The following MKLN1 variants were observed in gnomAD, a reference collection of about 807,000 sequenced individuals.
The protein encoded by MKLN1 is muskelin 1, also known as muskelin.
MKLN1 carries 18 observed loss-of-function variants against 99.0 expected under a neutral mutation model. The observed-to-expected ratio is 0.18, with a 90% CI of 0.13 to 0.27. The LOEUF is 0.27. Ranked by LOEUF, MKLN1 falls within the 10% of genes least tolerant of loss-of-function variation. The pLI is 1.00. For synonymous variants in MKLN1, 288 were observed against 293.2 expected (o/e 0.98, Z 0.18); for missense variants, 621 against 875.9 (o/e 0.71, Z 3.67).
chr7:131,392,805 A>G (rs1214184975), intron 4 of MKLN1, among the ~76,000 whole-genome samples: 1 of 151,924 alleles, frequency 6.6e-6, no homozygotes, highest in Non-Finnish European at 1.5e-5. Flanking sequence ...GGGTTTCTCC[A>G]TGTTGGTCAG....
intron 1 of MKLN1, among the ~76,000 whole-genome samples, chr7:131,142,603 C>T (rs1259263132): frequency 6.7e-6 from 1 of 148,744 alleles, no homozygotes; most frequent in Non-Finnish European, 1.5e-5. Flanking sequence ...GGCGTGTAGG[C>T]GGGCGCCTGT....
intron 2 of MKLN1, among the ~76,000 whole-genome samples, chr7:131,195,006 A>G (rs1395672416): frequency 6.6e-6 from 1 of 152,162 alleles, no homozygotes; most frequent in Non-Finnish European, 1.5e-5. Context: ...CAACACGGGC[A>G]CCTCCAAAGT....
At chr7:131,216,840 G>C (rs1796990168) in intron 3 of MKLN1, among the ~76,000 whole-genome samples, 1 of 152,178 alleles carries the variant, frequency 6.6e-6, no homozygotes, top group African/African-American at 2.4e-5. Context: ...TCCAATGATA[G>C]GGCTGTGCCT....
intron 2 of MKLN1, among the ~76,000 whole-genome samples, chr7:131,149,868 T>C (rs988963517): frequency 1.6e-4 from 24 of 152,242 alleles, no homozygotes; most frequent in Non-Finnish European, 3.4e-4. Context: ...TTTAGTTTGC[T>C]GGTCATCAAA....
chr7:131,331,112 C>T (rs921100146), intron 1 of MKLN1, among the ~76,000 whole-genome samples: 1 of 152,098 alleles, frequency 6.6e-6, no homozygotes, highest in Non-Finnish European at 1.5e-5. Flanking sequence ...TTAGTGAGCA[C>T]CTAATATATG....
At chr7:131,194,288 C>G (rs533967542) in intron 2 of MKLN1, among the ~76,000 whole-genome samples, 94 of 152,270 alleles carry the variant, frequency 6.2e-4, no homozygotes, top group African/African-American at 2.2e-3. Context: ...TTGCTTCCAA[C>G]TTCCCCCGGC....
intron 16 of MKLN1, 29 bp downstream of exon 16, chr7:131,470,973 A>G (rs1199526445): frequency 1.4e-6 from 2 of 1,468,856 alleles, no homozygotes; most frequent in African/African-American, 2.8e-5. Flanking sequence ...AAATTTCAGA[A>G]ATTAAGTATT....
intron 12 of MKLN1, among the ~76,000 whole-genome samples, chr7:131,454,495 A>G (rs1356863095): frequency 6.6e-6 from 1 of 152,232 alleles, no homozygotes; most frequent in Non-Finnish European, 1.5e-5. Context: ...GCCCCATCCA[A>G]CATTTAAAAT....
intron 11 of MKLN1, 108 bp from the exon 12 acceptor site, chr7:131,445,666 T>G: frequency 1.2e-6 from 1 of 831,076 alleles, no homozygotes; most frequent in Non-Finnish European, 1.8e-6. Context: ...TCCATTGGGA[T>G]CTGTTATAAA....
intron 2 of MKLN1, among the ~76,000 whole-genome samples, chr7:131,165,989 C>A (rs1796117836): frequency 6.6e-6 from 1 of 152,106 alleles, no homozygotes; most frequent in South Asian, 2.1e-4. Context: ...GCAGTGTGCA[C>A]CTGTGGTTCC....
At chr7:131,355,100 T>G (rs1311862708) in intron 1 of MKLN1, among the ~76,000 whole-genome samples, 1 of 152,044 alleles carries the variant, frequency 6.6e-6, no homozygotes, top group Non-Finnish European at 1.5e-5. Flanking sequence ...TTTCACTGTT[T>G]TGTATTCTGT....
intron 1 of MKLN1, among the ~76,000 whole-genome samples, chr7:131,356,017 G>A (rs1319030191): frequency 6.7e-6 from 1 of 149,688 alleles, no homozygotes; most frequent in East Asian, 2.0e-4. Context: ...AAAATATCGA[G>A]CATGTAATAC....
chr7:131,388,583 G>A (rs1413942382), intron 3 of MKLN1, among the ~76,000 whole-genome samples: 1 of 152,138 alleles, frequency 6.6e-6, no homozygotes, highest in Non-Finnish European at 1.5e-5. Flanking sequence ...GTTATATTCA[G>A]TTATCCATTC....
chr7:131,318,167 G>A (rs909603237), intron 3 of MKLN1, among the ~76,000 whole-genome samples: 3 of 152,136 alleles, frequency 2.0e-5, no homozygotes, highest in South Asian at 2.1e-4. Context: ...ATTCTTCTCA[G>A]TACCTCATGG....
rs1187606022 is a variant in MKLN1 at position 131,490,704 on chromosome 7, A to T, written c.*2976A>T. On this transcript the variant is annotated 3_prime_UTR_variant, in exon 18 of 18. Coordinates refer to ENST00000352689, the MANE Select transcript of MKLN1 (RefSeq NM_013255.5). Reference sequence around the variant, plus strand: ...CATTAAAAAGTCACTGGTTTATCATAGAAAAGTTTGATGGGTTTAGAGCTC... The same window carrying T: ...CATTAAAAAGTCACTGGTTTATCATTGAAAAGTTTGATGGGTTTAGAGCTC... The T allele has an allele frequency of 6.6e-6, 1 of 152,630 alleles. No homozygotes were observed. Among genetic ancestry groups the T allele is most frequent in the East Asian group, 1.9e-4 (1 of 5,200 alleles). 9.5% of individuals were successfully genotyped at this position (152,630 alleles called of 1,614,324 possible). A position where few individuals can be genotyped will look rare whatever the true frequency, so the allele number is the denominator to read the frequency against.
chr7:131,280,372 G>T (rs755478509), intron 3 of MKLN1, among the ~76,000 whole-genome samples: 36 of 152,152 alleles, frequency 2.4e-4, no homozygotes, highest in Non-Finnish European at 4.6e-4. Flanking sequence ...TCAGCATTTT[G>T]AGGAACTGCC....
rs140759310 is a variant in MKLN1, at chr7:131,163,732, T to A, written c.-297+20791T>A. 3.9e-3 allele frequency among the ~76,000 whole-genome samples: 597 copies of A among 152,284 alleles called. 3 individuals are homozygous for A. Among genetic ancestry groups the A allele is most frequent in the African/African-American group, 0.013 (551 of 41,558 alleles). On this transcript the variant is annotated intron_variant, in intron 2 of 7. Coordinates refer to the MKLN1 transcript ENST00000416992. ...AAATATATATTTTAACTTGGTAAAA[T>A]CTTCTTTTTCCTAAGGGCATCAGTG...
chr7:131,297,134 C>T (rs1386113815), intron 3 of MKLN1, among the ~76,000 whole-genome samples: 2 of 152,046 alleles, frequency 1.3e-5, no homozygotes, highest in African/African-American at 2.4e-5. Flanking sequence ...GGGCAGATCA[C>T]GAGGAGATTG....
intron 1 of MKLN1, among the ~76,000 whole-genome samples, chr7:131,362,753 G>A (rs1800068445): frequency 6.6e-6 from 1 of 151,486 alleles, no homozygotes; most frequent in Admixed American, 6.6e-5. Flanking sequence ...TTAAAATTTA[G>A]TCTGTGTTTT....
Sources: allele counts gnomAD v4.1 joint callset (sites outside exome capture counted in the v4.1 genomes callset), GRCh38; gene constraint gnomAD v4.1.1; transcripts MANE v1.5; gene names NCBI Gene and HGNC (gene_info 2026-07-23, HGNC 2026-07-21).